CD1B: variants seen among roughly 807,000 people sequenced by gnomAD.
The protein encoded by CD1B is CD1b molecule.
Under a neutral mutation model 39.8 loss-of-function variants are expected in CD1B, and 43 were observed. The observed-to-expected ratio is 1.08, with a 90% CI of 0.85 to 1.39. The LOEUF (loss-of-function observed/expected upper bound fraction) is 1.39. Among genes scored for constraint, CD1B ranks in the 40% most tolerant of loss-of-function variants. The pLI is 0.00. For missense variants in CD1B, 495 were observed against 403.8 expected (o/e 1.23, Z -1.94); for synonymous variants, 192 against 152.5 (o/e 1.26, Z -1.91).
Position 158,328,912 on chromosome 1 carries a change from A to G in CD1B, c.980+9T>C. The stretch of plus-strand genomic sequence containing the variant: ...ATTAAAAAAAAAAACAACACCACCC[A>G]CAACTCACCGGCGCCTCATATACCA... On this transcript the variant is annotated intron_variant, in intron 5 of 5. Transcript: ENST00000368168. The G allele has an allele frequency of 6.3e-7, 1 of 1,588,384 alleles. No homozygotes were observed. Among genetic ancestry groups the G allele is most frequent in the Non-Finnish European group, 8.6e-7 (1 of 1,168,766 alleles).
intron 3 of CD1B, 48 bp downstream of exon 3, chr1:158,329,804 C>T (rs754139716): frequency 2.0e-5 from 32 of 1,584,422 alleles, no homozygotes; most frequent in Admixed American, 3.5e-5. Context: ...TCTTCCTACT[C>T]TTGATCTTAG....
At chr1:158,312,449 G>A in the CD1B span, among the ~76,000 whole-genome samples, 1 of 152,148 alleles carries the variant, frequency 6.6e-6, no homozygotes, top group Non-Finnish European at 1.5e-5. Context: ...AAATTATCTA[G>A]TCTCAGATAT....
chr1:158,305,633 A>T, the CD1B span, among the ~76,000 whole-genome samples: 1 of 152,230 alleles, frequency 6.6e-6, no homozygotes, highest in African/African-American at 2.4e-5. Flanking sequence ...TAATTGTCAG[A>T]TTCACCAAAG....
chr1:158,296,315 A>G, the CD1B span, among the ~76,000 whole-genome samples: 9 of 152,170 alleles, frequency 5.9e-5, no homozygotes, highest in African/African-American at 1.9e-4. Context: ...CTTAGAGCAT[A>G]TAGCCCAGGA....
At chr1:158,311,048 A>G in the CD1B span, among the ~76,000 whole-genome samples, 1 of 152,190 alleles carries the variant, frequency 6.6e-6, no homozygotes, top group Non-Finnish European at 1.5e-5. Context: ...TAGCTGCCGA[A>G]CCTAAAATAA....
chr1:158,311,723 A>G, the CD1B span, among the ~76,000 whole-genome samples: 1 of 152,124 alleles, frequency 6.6e-6, no homozygotes, highest in African/African-American at 2.4e-5. Flanking sequence ...ATGGATATTC[A>G]GTTTTCCCAG....
At chr1:158,330,464 G>A in intron 2 of CD1B, 1 of 553,356 alleles carries the variant, frequency 1.8e-6, no homozygotes, top group South Asian at 2.0e-5. Context: ...TTGAAAAGAT[G>A]GATTAGGGGA....
chr1:158,305,009 A>G, the CD1B span, among the ~76,000 whole-genome samples: 1 of 152,214 alleles, frequency 6.6e-6, no homozygotes, highest in Non-Finnish European at 1.5e-5. Context: ...GAAAAACTGG[A>G]AACTCTAAAA....
the CD1B span, among the ~76,000 whole-genome samples, chr1:158,302,301 G>A: frequency 6.6e-6 from 1 of 152,026 alleles, no homozygotes; most frequent in East Asian, 1.9e-4. Context: ...GAGTTAAGAG[G>A]AAAGTTTATA....
chr1:158,310,088 C>T, the CD1B span, among the ~76,000 whole-genome samples: 1 of 151,970 alleles, frequency 6.6e-6, no homozygotes, highest in African/African-American at 2.4e-5. Flanking sequence ...GCTACAGTAA[C>T]CAAAACAGCA....
intron 2 of CD1B, among the ~76,000 whole-genome samples, chr1:158,330,379 G>A (rs1344452819): frequency 2.0e-5 from 3 of 152,124 alleles, no homozygotes; most frequent in East Asian, 1.9e-4. Flanking sequence ...GAGGCAGAGC[G>A]TGGTGCAGTC....
chr1:158,329,369 C>A lies in CD1B; in HGVS notation c.886+1G>T. 6.2e-7 allele frequency: 1 copy of A among 1,612,320 alleles called. No individual in the cohort carries two copies. Among genetic ancestry groups the A allele is most frequent in the Non-Finnish European group, 8.5e-7 (1 of 1,178,758 alleles). The stretch of plus-strand genomic sequence containing the variant: ...CAGCCTGGGTCCCTGCTATTTCTTA[C>A]TCCAGTAGAGGATGATGTCCTGGCC... On this transcript the variant is annotated splice_donor_variant, in intron 4 of 5. Transcript: ENST00000368168. LOFTEE classifies it high-confidence loss of function.
At chr1:158,307,058 G>A in the CD1B span, among the ~76,000 whole-genome samples, 1 of 152,180 alleles carries the variant, frequency 6.6e-6, no homozygotes, top group Non-Finnish European at 1.5e-5. Context: ...AAAGCTAGCA[G>A]AAGGCAAGAA....
At chr1:158,293,486 C>T in the CD1B span, 1 of 1,614,128 alleles carries the variant, frequency 6.2e-7, no homozygotes. Context: ...AGACTCTTCC[C>T]CCTGACTCCC....
At chr1:158,310,499 C>T in the CD1B span, among the ~76,000 whole-genome samples, 2 of 152,032 alleles carry the variant, frequency 1.3e-5, no homozygotes, top group African/African-American at 4.8e-5. Flanking sequence ...TTCTGCACAG[C>T]AAACAAAATT....
the CD1B span, among the ~76,000 whole-genome samples, chr1:158,300,424 T>C: frequency 3.3e-5 from 5 of 152,250 alleles, no homozygotes; most frequent in South Asian, 1.0e-3. Flanking sequence ...TTAGAATAAG[T>C]ATGATGTGGT....
chr1:158,292,965 G>C, the CD1B span: 5 of 1,269,272 alleles, frequency 3.9e-6, no homozygotes, highest in Non-Finnish European at 5.5e-6. Context: ...CCTAGGTGAG[G>C]GATTGTAGGA....
chr1:158,292,554 G>A, the CD1B span: 2 of 1,596,390 alleles, frequency 1.3e-6, no homozygotes, highest in Non-Finnish European at 1.7e-6. Flanking sequence ...TGTAAGTTGT[G>A]TGTAAGTTTC....
chr1:158,328,474 G>A (rs949722228), intron 5 of CD1B, among the ~76,000 whole-genome samples: 4 of 152,084 alleles, frequency 2.6e-5, no homozygotes, highest in Non-Finnish European at 4.4e-5. Context: ...AGGATATTAC[G>A]CTAAATGAAA....
Sources: allele counts gnomAD v4.1 joint callset (sites outside exome capture counted in the v4.1 genomes callset), GRCh38; gene constraint gnomAD v4.1.1; transcripts MANE v1.5; gene names NCBI Gene and HGNC (gene_info 2026-07-23, HGNC 2026-07-21).